The following LEPR variants were observed in gnomAD, a reference collection of about 807,000 sequenced individuals.
LEPR encodes the protein OB receptor.
LEPR carries 56 observed loss-of-function variants against 114.7 expected under a neutral mutation model. The observed-to-expected ratio is 0.49, with a 90% confidence interval of 0.39 to 0.61. The LOEUF (loss-of-function observed/expected upper bound fraction) is 0.61, where lower values mean the gene tolerates loss of function less well. LEPR is among the 20% of genes least tolerant of loss of function. The pLI, the probability that LEPR is intolerant of heterozygous loss-of-function variation, is 0.00. For missense variants in LEPR, 1,202 were observed against 1,352.9 expected, an observed-to-expected ratio of 0.89 and a Z score of 1.75; for synonymous variants, 443 against 461.4, an observed-to-expected ratio of 0.96 and a Z score of 0.51.
chr1:65,491,339 C>A (rs1647859692), intron 2 of LEPR, among the ~76,000 whole-genome samples: 1 of 152,044 alleles, frequency 6.6e-6, no homozygotes, highest in Admixed American at 6.6e-5. Context: ...GAACTCTAAC[C>A]AGAGGCCCCA....
At chr1:65,469,931 A>G (rs1647061973) in intron 2 of LEPR, among the ~76,000 whole-genome samples, 2 of 152,228 alleles carry the variant, frequency 1.3e-5, no homozygotes, top group Non-Finnish European at 2.9e-5. Context: ...CGCACAGCAC[A>G]CAGCATTGAT....
At chr1:65,484,544 T>C (rs1004337307) in intron 2 of LEPR, among the ~76,000 whole-genome samples, 3 of 152,182 alleles carry the variant, frequency 2.0e-5, no homozygotes, top group Non-Finnish European at 4.4e-5. Flanking sequence ...TCATCAGTTG[T>C]TCTTTTAACA....
At chr1:65,430,441 AGTAT>A (rs1646464367) in intron 2 of LEPR, 1 of 156,334 alleles carries the variant, frequency 6.4e-6, no homozygotes, top group Non-Finnish European at 1.4e-5. Context: ...CTCTCAACTC[AGTAT>A]AATAGGTATA....
intron 2 of LEPR, among the ~76,000 whole-genome samples, chr1:65,553,661 A>T (rs536916870): frequency 1.8e-4 from 28 of 152,152 alleles, no homozygotes; most frequent in Admixed American, 9.2e-4. Flanking sequence ...GGGTTAGAAC[A>T]TGCTTCTTTA....
intron 2 of LEPR, among the ~76,000 whole-genome samples, chr1:65,514,621 T>G (rs1253824258): frequency 9.2e-5 from 14 of 152,228 alleles, no homozygotes; most frequent in Admixed American, 9.2e-4. Context: ...TAAAATCCAT[T>G]TAGATTATGC....
intron 2 of LEPR, among the ~76,000 whole-genome samples, chr1:65,463,108 C>T (rs1646967063): frequency 6.6e-6 from 1 of 152,120 alleles, no homozygotes; most frequent in Admixed American, 6.5e-5. Flanking sequence ...AGGTTTTCTT[C>T]TAGGGTTTTT....
intron 19 of LEPR, chr1:65,626,159 T>C (rs747441877): frequency 3.1e-6 from 5 of 1,612,026 alleles, no homozygotes; most frequent in African/African-American, 2.7e-5. Context: ...GGGTGGAGGT[T>C]GGTTGACTTA....
At chr1:65,421,519 G>A in intron 1 of LEPR, 1 of 1,529,478 alleles carries the variant, frequency 6.5e-7, no homozygotes, top group African/African-American at 1.4e-5. Flanking sequence ...TTTTTATATT[G>A]GCTTTTATAT....
At chr1:65,525,641 C>T (rs943076849) in intron 2 of LEPR, 2 of 985,818 alleles carry the variant, frequency 2.0e-6, no homozygotes, top group Non-Finnish European at 2.4e-6. Context: ...TCAGCCCCAC[C>T]TCCCCACGCA....
chr1:65,534,706 C>A (rs1650635703), intron 2 of LEPR, among the ~76,000 whole-genome samples: 1 of 151,928 alleles, frequency 6.6e-6, no homozygotes, highest in East Asian at 1.9e-4. Context: ...GTGAGTGTGC[C>A]CTAGCTTTGG....
intron 5 of LEPR, among the ~76,000 whole-genome samples, chr1:65,587,091 T>C (rs1655364237): frequency 6.6e-6 from 1 of 152,062 alleles, no homozygotes; most frequent in South Asian, 2.1e-4. Context: ...GATGTGATTC[T>C]AACTTTTCTT....
chr1:65,602,794 G>T (rs1050894694), intron 10 of LEPR, among the ~76,000 whole-genome samples: 5 of 151,934 alleles, frequency 3.3e-5, no homozygotes, highest in African/African-American at 1.2e-4. Context: ...TCCTAATGCT[G>T]CCAGTCTCTT....
Position 65,633,870 on chromosome 1 carries a change from A to G in LEPR, c.2674-2321A>G. ...TGCTGCCCACAGGACAGTGGGAGTT[A>G]CAGTTCATATCAGGATGACCCTACA... On this transcript the variant is annotated intron_variant, in intron 19 of 19. Transcript: ENST00000349533. The surrounding 1 kb of genome is among the most constrained non-coding windows in gnomAD (Gnocchi z 4.1). The G allele has an allele frequency of 2.0e-6, 2 of 985,442 alleles. No homozygotes were observed. The highest frequency in any genetic ancestry group is 2.4e-6 in the Non-Finnish European group (2 of 829,944). 61.0% of individuals were successfully genotyped at this position (985,442 alleles called of 1,614,324 possible).
At chr1:65,433,866 G>C in intron 2 of LEPR, 5 of 985,256 alleles carry the variant, frequency 5.1e-6, no homozygotes, top group Non-Finnish European at 6.0e-6. Flanking sequence ...AAAAATGAGA[G>C]AATTTCTTGA....
intron 3 of LEPR, among the ~76,000 whole-genome samples, chr1:65,566,616 G>A (rs1415326154): frequency 6.6e-6 from 1 of 152,194 alleles, no homozygotes; most frequent in Non-Finnish European, 1.5e-5. Flanking sequence ...CCAAGTTTTT[G>A]AAATTAAAGT....
chr1:65,577,972 C>G lies in LEPR; in HGVS notation c.494+5523C>G, dbSNP rs143697176. On this transcript the variant is annotated intron_variant, in intron 5 of 19. Transcript: ENST00000349533. Reference sequence around the variant, plus strand: ...TATCCCTCCTCTAGCCTCCCACCCCCCTACAGGCCCCAGTGTGTGATGTTC... The same window carrying G: ...TATCCCTCCTCTAGCCTCCCACCCCGCTACAGGCCCCAGTGTGTGATGTTC... Among the ~76,000 whole-genome samples, 12 of 151,234 alleles carry G rather than the reference C, an allele frequency of 7.9e-5. No individual in the cohort carries two copies. In the East Asian group the frequency reaches 1.5e-3, roughly 20 times the overall value.
intron 11 of LEPR, among the ~76,000 whole-genome samples, chr1:65,607,756 T>C (rs1656907109): frequency 6.6e-6 from 1 of 152,186 alleles, no homozygotes; most frequent in South Asian, 2.1e-4. Flanking sequence ...GTCAGGAAGA[T>C]TGGCCCTCAA....
chr1:65,450,773 G>A (rs1229878759), intron 2 of LEPR, among the ~76,000 whole-genome samples: 26 of 151,300 alleles, frequency 1.7e-4, no homozygotes, highest in African/African-American at 6.3e-4. Flanking sequence ...ATGATTTATA[G>A]TCCTTTGGGT....
chr1:65,423,542 A>C (rs1646296293), intron 1 of LEPR, among the ~76,000 whole-genome samples: 1 of 152,160 alleles, frequency 6.6e-6, no homozygotes. Flanking sequence ...CTGCTGGGAA[A>C]AGATCATCTG....
Sources: gnomAD v4.1 joint callset for allele counts (sites outside exome capture counted in the v4.1 genomes callset) on GRCh38, gnomAD v4.1.1 for gene constraint, Gnocchi (gnomAD v3.1) non-coding constraint, MANE v1.5 for transcripts, NCBI Gene and HGNC (gene_info 2026-07-23, HGNC 2026-07-21) for gene names.